CDKAL1: variants seen among roughly 807,000 people sequenced by gnomAD.
CDKAL1 encodes threonylcarbamoyladenosine tRNA methylthiotransferase.
Under a neutral mutation model 68.2 loss-of-function variants are expected in CDKAL1, and 32 were observed. The observed-to-expected ratio is 0.47, with a 90% CI of 0.35 to 0.63. The LOEUF (loss-of-function observed/expected upper bound fraction) is 0.63. Ranked by LOEUF, CDKAL1 falls within the 30% of genes least tolerant of loss-of-function variation. CDKAL1 has a pLI of 0.00. For missense variants in CDKAL1, 606 were observed against 696.7 expected, an observed-to-expected ratio of 0.87 and a Z score of 1.47; for synonymous variants, 234 against 244.3, an observed-to-expected ratio of 0.96 and a Z score of 0.39.
In CDKAL1 at chr6:20,994,161, C is replaced by T. The variant is rs922831819; in HGVS notation, c.910-6066C>T. 2.1e-4 allele frequency among the ~76,000 whole-genome samples: 32 copies of T among 152,222 alleles called. 1 individual carries two copies. Among genetic ancestry groups the T allele is most frequent in the Admixed American group, 1.9e-3 (29 of 15,280 alleles). ...TTGGTAAACCTGAGACCCTTCCCTTCACTTGTAAATTACTTTCATAAGAAA... is the reference window on the plus strand; with the variant it reads ...TTGGTAAACCTGAGACCCTTCCCTTTACTTGTAAATTACTTTCATAAGAAA... On this transcript the variant is annotated intron_variant, in intron 10 of 15. Coordinates refer to ENST00000274695, the MANE Select transcript of CDKAL1 (RefSeq NM_017774.3).
At chr6:21,230,122 T>C (rs1306311094) in intron 15 of CDKAL1, among the ~76,000 whole-genome samples, 2 of 152,206 alleles carry the variant, frequency 1.3e-5, no homozygotes, top group Non-Finnish European at 2.9e-5. Context: ...ATCTTTGTCC[T>C]AGGGATGTGT....
chr6:20,833,250 T>C (rs554197324), intron 8 of CDKAL1, among the ~76,000 whole-genome samples: 1 of 152,232 alleles, frequency 6.6e-6, no homozygotes, highest in Admixed American at 6.5e-5. Context: ...GAGAGAAGAG[T>C]TGATTCCTGA....
chr6:20,864,918 C>T (rs1056428229), intron 9 of CDKAL1, among the ~76,000 whole-genome samples: 1 of 151,980 alleles, frequency 6.6e-6, no homozygotes, highest in Non-Finnish European at 1.5e-5. Context: ...TATTTTTATT[C>T]TTTTCTTATT....
At chr6:20,686,792 T>G (rs1176233895) in intron 5 of CDKAL1, among the ~76,000 whole-genome samples, 1 of 152,180 alleles carries the variant, frequency 6.6e-6, no homozygotes, top group Non-Finnish European at 1.5e-5. Context: ...AGCTTCGAGT[T>G]TCTCACCGTT....
chr6:21,099,346 C>T (rs917125997), intron 12 of CDKAL1, among the ~76,000 whole-genome samples: 10 of 152,072 alleles, frequency 6.6e-5, no homozygotes, highest in Admixed American at 1.3e-4. Flanking sequence ...GGAATGAGCA[C>T]GGCTGTGTTC....
intron 10 of CDKAL1, among the ~76,000 whole-genome samples, chr6:20,993,142 GT>G: frequency 6.6e-6 from 1 of 152,022 alleles, no homozygotes. Context: ...TACAGGGTTT[GT>G]TTTGGGGGAA....
chr6:21,014,279 A>G (rs983080213), intron 11 of CDKAL1, among the ~76,000 whole-genome samples: 6 of 152,126 alleles, frequency 3.9e-5, no homozygotes, highest in African/African-American at 1.4e-4. Flanking sequence ...TAAAGGGGCC[A>G]CTGAAAATCT....
intron 15 of CDKAL1, among the ~76,000 whole-genome samples, chr6:21,212,731 G>A (rs138269234): frequency 6.6e-5 from 10 of 152,080 alleles, no homozygotes; most frequent in Admixed American, 3.3e-4. Context: ...ATGTATTTAG[G>A]GGGTACAAGC....
At chr6:20,564,904 A>C (rs914025193) in intron 4 of CDKAL1, among the ~76,000 whole-genome samples, 17 of 152,200 alleles carry the variant, frequency 1.1e-4, no homozygotes, top group African/African-American at 3.9e-4. Flanking sequence ...ATGAGAGGAG[A>C]ATCTAGGTCC....
intron 9 of CDKAL1, among the ~76,000 whole-genome samples, chr6:20,946,398 G>A (rs1278889204): frequency 6.6e-6 from 1 of 152,108 alleles, no homozygotes; most frequent in Non-Finnish European, 1.5e-5. Flanking sequence ...GTCATTGTGA[G>A]TCTTCCTCAA....
chr6:20,723,120 C>T (rs1772465654), intron 5 of CDKAL1, among the ~76,000 whole-genome samples: 1 of 152,152 alleles, frequency 6.6e-6, no homozygotes, highest in Admixed American at 6.5e-5. Flanking sequence ...GCAGCTGCCC[C>T]ATGTGATGAG....
intron 6 of CDKAL1, among the ~76,000 whole-genome samples, chr6:20,751,971 G>C (rs1358619989): frequency 6.6e-6 from 1 of 152,014 alleles, no homozygotes. Flanking sequence ...ATTACTGTAT[G>C]TGAATTTTGA....
intron 9 of CDKAL1, among the ~76,000 whole-genome samples, chr6:20,854,669 T>C (rs2150511021): frequency 6.6e-6 from 1 of 152,372 alleles, no homozygotes; most frequent in Middle Eastern, 3.4e-3. Flanking sequence ...GTTCAGAGTA[T>C]GTATAGTCCA....
At chr6:20,692,002 C>T (rs1770892491) in intron 5 of CDKAL1, among the ~76,000 whole-genome samples, 2 of 151,958 alleles carry the variant, frequency 1.3e-5, no homozygotes, top group East Asian at 1.9e-4. Context: ...TTTAAGTTTT[C>T]GCAGTGTGCA....
At chr6:21,086,147 C>T (rs935971459) in intron 12 of CDKAL1, among the ~76,000 whole-genome samples, 1 of 152,082 alleles carries the variant, frequency 6.6e-6, no homozygotes, top group Admixed American at 6.5e-5. Context: ...GTTTTTATCC[C>T]CACTTTACAT....
chr6:20,697,826 G>T (rs1364518005), intron 5 of CDKAL1, among the ~76,000 whole-genome samples: 1 of 152,186 alleles, frequency 6.6e-6, no homozygotes. Context: ...GCTACACAAA[G>T]ATGCCTAGTA....
intron 5 of CDKAL1, among the ~76,000 whole-genome samples, chr6:20,667,436 C>G (rs1378427538): frequency 6.6e-6 from 1 of 152,040 alleles, no homozygotes; most frequent in Non-Finnish European, 1.5e-5. Context: ...AATCCTGGGT[C>G]TTTTTCAAGT....
chr6:20,648,800 A>G (rs1196836061), intron 4 of CDKAL1, among the ~76,000 whole-genome samples: 1 of 152,212 alleles, frequency 6.6e-6, no homozygotes, highest in Non-Finnish European at 1.5e-5. Flanking sequence ...TATAGTATAT[A>G]ACAATATTTA....
chr6:21,071,009 T>C (rs1009282652), intron 12 of CDKAL1, among the ~76,000 whole-genome samples: 1 of 152,268 alleles, frequency 6.6e-6, no homozygotes, highest in Admixed American at 6.5e-5. Context: ...TTTCTTCATT[T>C]GTTTTTAATC....
Sources: gnomAD v4.1 joint callset for allele counts (sites outside exome capture counted in the v4.1 genomes callset) on GRCh38, gnomAD v4.1.1 for gene constraint, MANE v1.5 for transcripts, NCBI Gene and HGNC (gene_info 2026-07-23, HGNC 2026-07-21) for gene names.